The following PSD variants were observed in gnomAD, a reference collection of about 807,000 sequenced individuals.
PSD encodes pleckstrin and Sec7 domain containing.
Under a neutral mutation model 91.6 loss-of-function variants are expected in PSD, and 32 were observed. That is an observed-to-expected ratio of 0.35 (90% CI 0.26 to 0.47). PSD has a LOEUF of 0.47. PSD is among the 20% of genes least tolerant of loss of function. PSD has a pLI of 1.00. For synonymous variants in PSD, 532 were observed against 569.3 expected (o/e 0.93, Z 0.93); for missense variants, 1,099 against 1,373.9 (o/e 0.80, Z 3.16).
chr10:102,403,288 A>G lies in PSD; in HGVS notation c.2987T>C (p.Leu996Pro), dbSNP rs757076666. Reference protein sequence around the residue: ...GLPPSHSSPSLQPKPSSQPRA... With the variant: ...GLPPSHSSPSPQPKPSSQPRA... Reference sequence around the variant, plus strand: ...GGGCTGGCTGGAGGGTTTGGGCTGCAGGGAGGGACTGGAGTGAGAAGGAGG... The same window carrying G: ...GGGCTGGCTGGAGGGTTTGGGCTGCGGGGAGGGACTGGAGTGAGAAGGAGG... Residue 996 changes from leucine (L) to proline (P), a missense_variant, in exon 17 of 17, where the codon CTG becomes CCG. Leu to Pro is a moderately conservative substitution (Grantham distance 98). Transcript: ENST00000020673. The surrounding 1 kb of genome is among the most constrained non-coding windows in gnomAD (Gnocchi z 6.7). 4 of 1,613,524 alleles carry G rather than the reference A, an allele frequency of 2.5e-6. No homozygotes were observed. The highest frequency in any genetic ancestry group is 3.4e-6 in the Non-Finnish European group (4 of 1,179,746).
upstream of PSD, chr10:102,418,882 C>T: frequency 2.7e-6 from 1 of 370,774 alleles, no homozygotes; most frequent in Non-Finnish European, 5.5e-6. Context: ...TCCCAGGGCC[C>T]AGAGCCCCGG....
At position 102,405,722 on chromosome 10, in the gene PSD, C is replaced by G. The variant is rs1324372761; in HGVS notation, c.2136-186G>C. Reference sequence around the variant, plus strand: ...AATGTGTAGCTGTGCCTCCTCAGAGCAGGGCACCTCCCTCAGAGCTCCCCA... The same window carrying G: ...AATGTGTAGCTGTGCCTCCTCAGAGGAGGGCACCTCCCTCAGAGCTCCCCA... On this transcript the variant is annotated intron_variant, in intron 11 of 16. Transcript: ENST00000020673. This position sits in a 1 kb window ranked among gnomAD's most constrained non-coding sequence, Gnocchi z 5.4. 1 of 608,804 alleles carries G rather than the reference C, an allele frequency of 1.6e-6. No homozygotes were observed. 37.7% of individuals were successfully genotyped at this position (608,804 alleles called of 1,614,324 possible).
Position 102,403,405 on chromosome 10 carries a change from G to C in PSD, c.2870C>G (p.Ala957Gly), listed in dbSNP as rs748383442. ...TGCCTTCAGCTTGACCCGAAGCAGC[G>C]CTGCATAGGTGCTGTAGCGGGATTT... Reference protein sequence around the residue: ...FEKSRYSTYAALLRVKLKAGS... With the variant: ...FEKSRYSTYAGLLRVKLKAGS... Residue 957 changes from alanine to glycine, a missense_variant, in exon 17 of 17, where the codon GCG becomes GGG. By Grantham distance (60) the Ala-to-Gly change is moderately conservative. Coordinates refer to ENST00000020673, the MANE Select transcript of PSD (RefSeq NM_002779.5). The surrounding 1 kb of genome is among the most constrained non-coding windows in gnomAD (Gnocchi z 6.7). The C allele has an allele frequency of 6.2e-7, 1 of 1,612,436 alleles. No individual in the cohort carries two copies. The highest frequency in any genetic ancestry group is 1.7e-5 in the Admixed American group (1 of 59,996).
chr10:102,405,665 GC>G lies in PSD; in HGVS notation c.2136-130del. 1.2e-6 allele frequency: 1 copy of G among 825,596 alleles called. No individual in the cohort carries two copies. The highest frequency in any genetic ancestry group is 1.9e-6 in the Non-Finnish European group (1 of 538,802). The allele number at this position is 825,596 out of a possible 1,614,324, so 51.1% of individuals were successfully genotyped here. The stretch of plus-strand genomic sequence containing the variant: ...TTGGGGGGCTCAACCTGAGGGTCCT[GC>G]CATGTCTCCCGTCTCAGATCAGGCC... On this transcript the variant is annotated intron_variant, in intron 11 of 16. Coordinates refer to ENST00000020673, the MANE Select transcript of PSD (RefSeq NM_002779.5). The surrounding 1 kb of genome is among the most constrained non-coding windows in gnomAD (Gnocchi z 5.4).
Position 102,414,928 on chromosome 10 carries a change from G to T in PSD, c.1059C>A (p.Asp353Glu), listed in dbSNP as rs139586903. The T allele has an allele frequency of 6.6e-7, 1 of 1,524,536 alleles. No individual in the cohort carries two copies. Among genetic ancestry groups the T allele is most frequent in the Admixed American group, 1.9e-5 (1 of 52,558 alleles). The allele number at this position is 1,524,536 out of a possible 1,614,324, so 94.4% of individuals were successfully genotyped here. Reference sequence around the variant, plus strand: ...CTTCTTCCCCACCTGCCTCATCGTCGTCCTCATCCTCATTGCCACTGCCGA... The same window carrying T: ...CTTCTTCCCCACCTGCCTCATCGTCTTCCTCATCCTCATTGCCACTGCCGA... Reference protein sequence around the residue: ...PSLGSGNEDEDDDEAGGEEDV... With the variant: ...PSLGSGNEDEEDDEAGGEEDV... The change falls in exon 4 of 17, where the codon GAC becomes GAA. Residue 353 changes from aspartate to glutamate, a missense_variant. Around this residue, in one of 3 missense-constraint regions of PSD, gnomAD observed 631 missense variants for 728.8 expected, o/e 0.87. Coordinates refer to ENST00000020673, the MANE Select transcript of PSD (RefSeq NM_002779.5). The surrounding 1 kb of genome is among the most constrained non-coding windows in gnomAD (Gnocchi z 5.6).
At position 102,411,588 on chromosome 10, in the gene PSD, A is replaced by T. The variant is rs2061425223; in HGVS notation, c.1942+119T>A. ...CACACATGCAAGTTCACATGCCTAC[A>T]CGCATGTACATCCATTCCCTGCTGT... On this transcript the variant is annotated intron_variant, in intron 8 of 16. Transcript: ENST00000020673. The T allele has an allele frequency of 4.8e-5, 36 of 757,440 alleles. No individual in the cohort carries two copies. In the South Asian group the frequency reaches 5.3e-4, roughly 11 times the overall value. 46.9% of individuals were successfully genotyped at this position (757,440 alleles called of 1,614,324 possible). A position where few individuals can be genotyped will look rare whatever the true frequency, so the allele number is the denominator to read the frequency against.
intron 1 of PSD, among the ~76,000 whole-genome samples, chr10:102,417,821 G>C (rs575171136): frequency 2.0e-4 from 30 of 150,650 alleles, no homozygotes; most frequent in Non-Finnish European, 3.2e-4. Flanking sequence ...TGATTCTCCT[G>C]CCTCAGACTC....
In PSD at chr10:102,405,536, T is replaced by C. The variant is rs763250301; in HGVS notation, c.2136A>G (p.Ile712Met). The C allele has an allele frequency of 6.2e-7, 1 of 1,610,774 alleles. No individual in the cohort carries two copies. Among genetic ancestry groups the C allele is most frequent in the Admixed American group, 1.7e-5 (1 of 59,958 alleles). The change falls in exon 12 of 17, where the codon ATA (isoleucine) becomes ATG (methionine). Residue 712 changes from isoleucine to methionine, a missense_variant and splice_region_variant. Physicochemically the swap from Ile to Met is conservative, Grantham distance 10. Coordinates refer to ENST00000020673, the MANE Select transcript of PSD (RefSeq NM_002779.5). This position sits in a 1 kb window ranked among gnomAD's most constrained non-coding sequence, Gnocchi z 5.4. ...GAGAGCGTCTCAGCTCCTCCTCGTC[T>C]CTGCAGGTGTGATCACCTCAGAGGG... ...SIKNEKLQWAIDEEELRRSLS... is the reference protein window; with the variant it reads ...SIKNEKLQWAMDEEELRRSLS...
Position 102,409,686 on chromosome 10 carries a change from ACCTCGATTCTGACATACAC to A in PSD, c.2091+1153_2091+1171del, listed in dbSNP as rs1436069138. Among the ~76,000 whole-genome samples the A allele has an allele frequency of 6.6e-6, 1 of 152,028 alleles. No homozygotes were observed. Among genetic ancestry groups the A allele is most frequent in the Non-Finnish European group, 1.5e-5 (1 of 68,012 alleles). On this transcript the variant is annotated intron_variant, in intron 10 of 16. Transcript: ENST00000020673. This position sits in a 1 kb window ranked among gnomAD's most constrained non-coding sequence, Gnocchi z 5.7. ...ATATAGATCTGAAGTCACGTAACACACCTCGATTCTGACATACACCCCAACAAACCAGACGCACCAGTTC... is the reference window on the plus strand; with the variant it reads ...ATATAGATCTGAAGTCACGTAACACACCCAACAAACCAGACGCACCAGTTC...
chr10:102,403,516 G>T lies in PSD; in HGVS notation c.2845-86C>A. ...CTGGACCAGGGAGGGCCGCCAGCAGGGCAGAAGATGGCAGGTGCCCACCCA... is the reference window on the plus strand; with the variant it reads ...CTGGACCAGGGAGGGCCGCCAGCAGTGCAGAAGATGGCAGGTGCCCACCCA... On this transcript the variant is annotated intron_variant, in intron 16 of 16. Coordinates refer to ENST00000020673, the MANE Select transcript of PSD (RefSeq NM_002779.5). This position sits in a 1 kb window ranked among gnomAD's most constrained non-coding sequence, Gnocchi z 6.7. 7.9e-7 allele frequency: 1 copy of T among 1,264,912 alleles called. No homozygotes were observed. The highest frequency in any genetic ancestry group is 1.1e-6 in the Non-Finnish European group (1 of 924,080). 78.4% of individuals were successfully genotyped at this position (1,264,912 alleles called of 1,614,324 possible). A position where few individuals can be genotyped will look rare whatever the true frequency, so the allele number is the denominator to read the frequency against.
At position 102,410,978 on chromosome 10, in the gene PSD, G is replaced by C; in HGVS notation, c.2002-31C>G. The C allele has an allele frequency of 6.2e-7, 1 of 1,612,120 alleles. No individual in the cohort carries two copies. The highest frequency in any genetic ancestry group is 8.5e-7 in the Non-Finnish European group (1 of 1,178,164). On this transcript the variant is annotated intron_variant, in intron 9 of 16. Transcript: ENST00000020673. This position sits in a 1 kb window ranked among gnomAD's most constrained non-coding sequence, Gnocchi z 6.0. Reference sequence around the variant, plus strand: ...GAAGGGAACGGAGGCCTGTGAGTTTGGAGGGCCCTTGGCCTCCCAGGTCCT... The same window carrying C: ...GAAGGGAACGGAGGCCTGTGAGTTTCGAGGGCCCTTGGCCTCCCAGGTCCT...
chr10:102,404,593 C>A lies in PSD; in HGVS notation c.2690G>T (p.Arg897Leu). ...SRPLLPSAAT[R>L]LSQEEQVRTH... ...CAGAGCTTGGGCTACCTGGGAGAGGCGGGTGGCAGCGCTGGGCAGGAGAGG... is the reference window on the plus strand; with the variant it reads ...CAGAGCTTGGGCTACCTGGGAGAGGAGGGTGGCAGCGCTGGGCAGGAGAGG... The change falls in exon 15 of 17, where the codon CGC (arginine) becomes CTC (leucine). Residue 897 changes from arginine to leucine, a missense_variant. Transcript: ENST00000020673. This position sits in a 1 kb window ranked among gnomAD's most constrained non-coding sequence, Gnocchi z 5.7. 2 of 1,610,328 alleles carry A rather than the reference C, an allele frequency of 1.2e-6. No individual in the cohort carries two copies. The highest frequency in any genetic ancestry group is 1.7e-6 in the Non-Finnish European group (2 of 1,177,988).
rs770404390 is a variant in PSD at position 102,403,960 on chromosome 10, G to A, written c.2726C>T (p.Ala909Val). ...CTCACTTGCCATGGCCTTCAGCTTG[G>A]CCTCGTGGGTCCGCACCTGCTCCTC... is the stretch of plus-strand genomic sequence containing the variant. ...SQEEQVRTHE[A>V]KLKAMASELR... The change falls in exon 16 of 17, where the codon GCC becomes GTC. Residue 909 changes from alanine to valine, a missense_variant. Transcript: ENST00000020673. The surrounding 1 kb of genome is among the most constrained non-coding windows in gnomAD (Gnocchi z 6.7). 3.8e-6 allele frequency: 6 copies of A among 1,568,306 alleles called. No individual in the cohort carries two copies. In the South Asian group the frequency reaches 4.6e-5, roughly 12 times the overall value.
In PSD at chr10:102,416,544, C is replaced by T. The variant is rs758406293; in HGVS notation, c.495G>A (p.Ser165=). Residue 165 remains serine (S), a synonymous_variant, in exon 2 of 17, where the codon TCG becomes TCA. Transcript: ENST00000020673. The surrounding 1 kb of genome is among the most constrained non-coding windows in gnomAD (Gnocchi z 6.0). Reference sequence around the variant, plus strand: ...CAAGGTTCCGGCTGCCAGGTAGGGCCGAGCCTCCTCTGGCGGGGAGTGGGT... The same window carrying T: ...CAAGGTTCCGGCTGCCAGGTAGGGCTGAGCCTCCTCTGGCGGGGAGTGGGT... ...TSDPLPARGG[S]ALPGSRNLVH... 29 of 1,607,550 alleles carry T rather than the reference C, an allele frequency of 1.8e-5. No individual in the cohort carries two copies. The highest frequency in any genetic ancestry group is 2.3e-5 in the Non-Finnish European group (27 of 1,177,046).
Position 102,416,931 on chromosome 10 carries a change from T to TG in PSD, c.107dup (p.Ala37SerfsTer165), listed in dbSNP as rs1397356110. 6.2e-7 allele frequency: 1 copy of TG among 1,604,308 alleles called. No homozygotes were observed. ...AGCCTGTGCTGCCATACATGCTGGC[T>TG]GGGGGGCTCTGGGGCACCGGGCCTT... On this transcript the variant is annotated frameshift_variant, in exon 2 of 17. Coordinates refer to ENST00000020673, the MANE Select transcript of PSD (RefSeq NM_002779.5). LOFTEE classifies it high-confidence loss of function. This position sits in a 1 kb window ranked among gnomAD's most constrained non-coding sequence, Gnocchi z 6.0.
Position 102,414,622 on chromosome 10 carries a change from G to A in PSD, c.1124+241C>T, listed in dbSNP as rs571216132. On this transcript the variant is annotated intron_variant, in intron 4 of 16. Coordinates refer to ENST00000020673, the MANE Select transcript of PSD (RefSeq NM_002779.5). This position sits in a 1 kb window ranked among gnomAD's most constrained non-coding sequence, Gnocchi z 5.6. ...CTCCTGTGTTCCTGGGCTTGACTGT[G>A]GCCTCTGGCCTCTCACCCTGCCCCC... 8.8e-4 allele frequency among the ~76,000 whole-genome samples: 134 copies of A among 152,208 alleles called. 1 individual carries two copies. The highest frequency in any genetic ancestry group is 3.2e-3 in the African/African-American group (131 of 41,524).
chr10:102,415,450 A>G (rs2061468325), intron 3 of PSD, among the ~76,000 whole-genome samples: 1 of 152,176 alleles, frequency 6.6e-6, no homozygotes, highest in African/African-American at 2.4e-5. Flanking sequence ...GGGGAAGACC[A>G]GCCTTTTTCT....
chr10:102,410,772 T>C lies in PSD; in HGVS notation c.2091+86A>G. The stretch of plus-strand genomic sequence containing the variant: ...GCCGGGGGTCGGCAAGCCCCAGCCC[T>C]GCCCTCCCTCCGACTCTGGACTCCG... On this transcript the variant is annotated intron_variant, in intron 10 of 16. Coordinates refer to ENST00000020673, the MANE Select transcript of PSD (RefSeq NM_002779.5). This position sits in a 1 kb window ranked among gnomAD's most constrained non-coding sequence, Gnocchi z 6.0. The C allele has an allele frequency of 1.6e-6, 1 of 634,844 alleles. No homozygotes were observed. Among genetic ancestry groups the C allele is most frequent in the Non-Finnish European group, 2.9e-6 (1 of 348,948 alleles). 39.3% of individuals were successfully genotyped at this position (634,844 alleles called of 1,614,324 possible). A position where few individuals can be genotyped will look rare whatever the true frequency, so the allele number is the denominator to read the frequency against.
At position 102,405,624 on chromosome 10, in the gene PSD, C is replaced by T; in HGVS notation, c.2136-88G>A. On this transcript the variant is annotated intron_variant, in intron 11 of 16. Coordinates refer to ENST00000020673, the MANE Select transcript of PSD (RefSeq NM_002779.5). This position sits in a 1 kb window ranked among gnomAD's most constrained non-coding sequence, Gnocchi z 5.4. ...GCCTCTGCTCGCCCTGGAAAAGCTC[C>T]CCCAGTGTTTGTGGCTTGGGGGGCT... is the stretch of plus-strand genomic sequence containing the variant. 2 of 1,323,744 alleles carry T rather than the reference C, an allele frequency of 1.5e-6. No homozygotes were observed. The highest frequency in any genetic ancestry group is 1.4e-5 in the South Asian group (1 of 71,824). The allele number at this position is 1,323,744 out of a possible 1,614,324, so 82.0% of individuals were successfully genotyped here.
Sources: allele counts gnomAD v4.1 joint callset (sites outside exome capture counted in the v4.1 genomes callset), GRCh38; gene constraint gnomAD v4.1.1; regional missense constraint gnomAD v4.1.1; non-coding constraint Gnocchi (gnomAD v3.1); transcripts MANE v1.5; gene names NCBI Gene and HGNC (gene_info 2026-07-23, HGNC 2026-07-21).